BSN: variants seen among roughly 807,000 people sequenced by gnomAD.
BSN encodes bassoon presynaptic cytomatrix protein.
In BSN, 57 loss-of-function variants were observed where a neutral mutation model predicts 264.8. The ratio of observed to expected loss-of-function variants is 0.22; its 90% CI spans 0.17 to 0.27. The LOEUF (loss-of-function observed/expected upper bound fraction) is 0.27, where lower values mean the gene tolerates loss of function less well. Among genes scored for constraint, BSN ranks in the 10% least tolerant of loss-of-function variants. The pLI, the probability that BSN is intolerant of heterozygous loss-of-function variation, is 1.00. For synonymous variants in BSN, 2,059 were observed against 2,137.3 expected, an observed-to-expected ratio of 0.96 and a Z score of 1.01; for missense variants, 4,615 against 5,232.5, an observed-to-expected ratio of 0.88 and a Z score of 3.64.
chr3:49,592,861 A>G (rs2051991331), intron 1 of BSN, among the ~76,000 whole-genome samples: 1 of 152,186 alleles, frequency 6.6e-6, no homozygotes, highest in Admixed American at 6.5e-5. Context: ...ACCAATATTC[A>G]TAAAATCCAC....
chr3:49,556,618 A>G (rs1294637496), intron 1 of BSN, among the ~76,000 whole-genome samples: 2 of 152,136 alleles, frequency 1.3e-5, no homozygotes, highest in Admixed American at 6.5e-5. Flanking sequence ...ACCAGAGACC[A>G]TTAGGAGGTG....
intron 1 of BSN, among the ~76,000 whole-genome samples, chr3:49,589,650 G>T (rs1292457930): frequency 6.9e-6 from 1 of 145,528 alleles, no homozygotes; most frequent in East Asian, 2.0e-4. Flanking sequence ...GTGACTACAG[G>T]CGCATGCCAC....
chr3:49,568,692 G>A lies in BSN; in HGVS notation c.224+13866G>A, dbSNP rs147939659. ...TGCCTCACCATGTGGATATGCCATG[G>A]TTTATCTATGGACATTGGGCTGTGT... On this transcript the variant is annotated intron_variant, in intron 1 of 11. Coordinates refer to ENST00000296452, the MANE Select transcript of BSN (RefSeq NM_003458.4). Among the ~76,000 whole-genome samples the A allele has an allele frequency of 1.3e-4, 20 of 152,254 alleles. No individual in the cohort carries two copies. The East Asian group carries it at 3.9e-3, about 29-fold the overall frequency.
At chr3:49,665,921 G>A (rs1473131985) in intron 11 of BSN, among the ~76,000 whole-genome samples, 1 of 152,252 alleles carries the variant, frequency 6.6e-6, no homozygotes, top group African/African-American at 2.4e-5. Context: ...CCCTGTCTGG[G>A]CTGCAGTGGC....
chr3:49,613,496 A>T (rs2052228908), intron 1 of BSN, among the ~76,000 whole-genome samples: 1 of 150,772 alleles, frequency 6.6e-6, no homozygotes. Flanking sequence ...TATTATTATT[A>T]TTATTATTTT....
At chr3:49,571,812 T>A (rs1188549384) in intron 1 of BSN, among the ~76,000 whole-genome samples, 1 of 152,154 alleles carries the variant, frequency 6.6e-6, no homozygotes, top group African/African-American at 2.4e-5. Context: ...GTACTGATTA[T>A]TATTCGATGG....
chr3:49,625,084 A>T lies in BSN; in HGVS notation c.334A>T (p.Thr112Ser). 7 of 1,607,180 alleles carry T rather than the reference A, an allele frequency of 4.4e-6. No homozygotes were observed. The highest frequency in any genetic ancestry group is 5.1e-6 in the Non-Finnish European group (6 of 1,177,130). ...TTPGHESPRETRAQGPAGQEA... is the reference protein window; with the variant it reads ...TTPGHESPRESRAQGPAGQEA... ...TCCTGGCCATGAGAGCCCCCGAGAG[A>T]CAAGGGCACAGGGACCAGCAGGCCA... Residue 112 changes from threonine to serine, a missense_variant, in exon 2 of 12, where the codon ACA becomes TCA. Thr to Ser is a moderately conservative substitution (Grantham distance 58). Around this residue, in one of 3 missense-constraint regions of BSN, gnomAD observed 1,197 missense variants for 1,348.0 expected, o/e 0.89. Coordinates refer to ENST00000296452, the MANE Select transcript of BSN (RefSeq NM_003458.4). The surrounding 1 kb of genome is among the most constrained non-coding windows in gnomAD (Gnocchi z 4.4).
At chr3:49,637,261 C>T (rs150671061) in intron 2 of BSN, among the ~76,000 whole-genome samples, 7 of 152,080 alleles carry the variant, frequency 4.6e-5, no homozygotes, top group Admixed American at 1.3e-4. Flanking sequence ...TGAGAGGAGG[C>T]GAGTGGGAAG....
Position 49,656,292 on chromosome 3 carries a change from A to G in BSN, c.6736A>G (p.Met2246Val). Residue 2246 changes from methionine (M) to valine (V), a missense_variant, in exon 5 of 12, where the codon ATG becomes GTG. Coordinates refer to ENST00000296452, the MANE Select transcript of BSN (RefSeq NM_003458.4). The stretch of plus-strand genomic sequence containing the variant: ...ACTCACCAGTCTGACACGTGTGCCC[A>G]TGATTGCCCCCCGGGTACCTCTTGG... ...VPLTSLTRVP[M>V]IAPRVPLGPT... 2 of 1,613,234 alleles carry G rather than the reference A, an allele frequency of 1.2e-6. No homozygotes were observed. The highest frequency in any genetic ancestry group is 1.7e-6 in the Non-Finnish European group (2 of 1,179,928).
intron 1 of BSN, among the ~76,000 whole-genome samples, chr3:49,586,711 T>A (rs972505952): frequency 2.6e-5 from 4 of 152,234 alleles, no homozygotes; most frequent in African/African-American, 9.6e-5. Context: ...CAAAAATGAG[T>A]TCACTGTAGG....
chr3:49,619,725 G>T (rs2108053108), intron 1 of BSN, among the ~76,000 whole-genome samples: 1 of 152,250 alleles, frequency 6.6e-6, no homozygotes, highest in South Asian at 2.1e-4. Context: ...GCTATAGGGA[G>T]GAACTTTAGG....
chr3:49,643,212 G>T, intron 3 of BSN, 60 bp downstream of exon 3: 1 of 1,532,974 alleles, frequency 6.5e-7, no homozygotes, highest in South Asian at 1.3e-5. Context: ...CCTGGGTAGT[G>T]AGTGTCATGG....
chr3:49,636,608 G>A (rs1341830278), intron 2 of BSN, among the ~76,000 whole-genome samples: 1 of 152,206 alleles, frequency 6.6e-6, no homozygotes, highest in Non-Finnish European at 1.5e-5. Flanking sequence ...CTAGCCCCAG[G>A]TGCGATTAGG....
intron 2 of BSN, among the ~76,000 whole-genome samples, chr3:49,630,752 A>G (rs557164237): frequency 6.4e-4 from 98 of 152,356 alleles, no homozygotes; most frequent in Non-Finnish European, 9.7e-4. Context: ...TAAAAAGAAA[A>G]TGCAGTAAAA....
chr3:49,662,287 C>T lies in BSN; in HGVS notation c.10442C>T (p.Pro3481Leu), dbSNP rs2052665942. Reference protein sequence around the residue: ...EAVERLQKAGPKPSSLSMAHS... With the variant: ...EAVERLQKAGLKPSSLSMAHS... The stretch of plus-strand genomic sequence containing the variant: ...GTGGAGCGACTTCAAAAAGCGGGCC[C>T]CAAGCCCTCATCCCTAAGTATGGCC... Residue 3481 changes from proline (P) to leucine (L), a missense_variant, in exon 6 of 12, where the codon CCC becomes CTC. Coordinates refer to ENST00000296452, the MANE Select transcript of BSN (RefSeq NM_003458.4). 3.1e-6 allele frequency: 5 copies of T among 1,613,932 alleles called. No individual in the cohort carries two copies. The highest frequency in any genetic ancestry group is 4.2e-6 in the Non-Finnish European group (5 of 1,179,930).
chr3:49,594,388 T>A (rs566197905), intron 1 of BSN, among the ~76,000 whole-genome samples: 6 of 152,350 alleles, frequency 3.9e-5, no homozygotes, highest in Non-Finnish European at 8.8e-5. Context: ...TTAAAACAAA[T>A]ATGGATATCC....
chr3:49,583,673 G>A (rs2051911817), intron 1 of BSN, among the ~76,000 whole-genome samples: 1 of 152,150 alleles, frequency 6.6e-6, no homozygotes, highest in South Asian at 2.1e-4. Flanking sequence ...CACCAGTGAA[G>A]ACAACTGAGC....
chr3:49,610,148 C>T (rs2052193822), intron 1 of BSN, among the ~76,000 whole-genome samples: 1 of 152,188 alleles, frequency 6.6e-6, no homozygotes. Context: ...TTGATTTCTC[C>T]TTCTGGGAGC....
intron 1 of BSN, among the ~76,000 whole-genome samples, chr3:49,578,669 G>A (rs1448765856): frequency 6.6e-6 from 1 of 152,022 alleles, no homozygotes; most frequent in Non-Finnish European, 1.5e-5. Flanking sequence ...GCCTCCTAAA[G>A]TGCTGGGATT....
Sources: gnomAD v4.1 joint callset for allele counts (sites outside exome capture counted in the v4.1 genomes callset) on GRCh38, gnomAD v4.1.1 for gene constraint, gnomAD v4.1.1 regional missense constraint, Gnocchi (gnomAD v3.1) non-coding constraint, MANE v1.5 for transcripts, NCBI Gene and HGNC (gene_info 2026-07-23, HGNC 2026-07-21) for gene names.